CHURC1: variants seen among roughly 807,000 people sequenced by gnomAD.
CHURC1 encodes the protein protein Churchill.
In CHURC1, 12 loss-of-function variants were observed where a neutral mutation model predicts 15.4. That is an observed-to-expected ratio of 0.78 (90% CI 0.50 to 1.27). The LOEUF is 1.27. CHURC1 is among the 50% of genes most tolerant of loss of function. The pLI, the probability that CHURC1 is intolerant of heterozygous loss-of-function variation, is 0.00. For synonymous variants in CHURC1, 42 were observed against 47.5 expected (o/e 0.88, Z 0.48); for missense variants, 132 against 137.8 (o/e 0.96, Z 0.21).
At chr14:64,925,308 T>A (rs192000421) in intron 2 of CHURC1, among the ~76,000 whole-genome samples, 308 of 152,338 alleles carry the variant, frequency 2.0e-3, no homozygotes, top group Non-Finnish European at 3.5e-3. Context: ...CAGCTTTGGT[T>A]TTTATTTATG....
intron 3 of CHURC1, among the ~76,000 whole-genome samples, 178 bp from the exon 4 acceptor site, chr14:64,931,960 A>C (rs950593456): frequency 6.6e-6 from 1 of 152,250 alleles, no homozygotes; most frequent in Non-Finnish European, 1.5e-5. Context: ...TATATAAACA[A>C]CAGGCTCTGG....
chr14:64,934,904 T>C lies in CHURC1; in HGVS notation c.*2674T>C, dbSNP rs900504193. 3.0e-6 allele frequency: 3 copies of C among 984,228 alleles called. No homozygotes were observed. The African/African-American group carries it at 5.2e-5, about 17-fold the overall frequency. The allele number at this position is 984,228 out of a possible 1,614,324, so 61.0% of individuals were successfully genotyped here. ...ATAAGATCCTCTCTCTATATTTCAT[T>C]ATTGGTGAACCCACATTGTGCTGTG... On this transcript the variant is annotated 3_prime_UTR_variant, in exon 4 of 4. Coordinates refer to ENST00000549115, the MANE Select transcript of CHURC1 (RefSeq NM_001386928.1).
intron 1 of CHURC1, among the ~76,000 whole-genome samples, chr14:64,923,490 TTTAC>T (rs1884467122): frequency 6.6e-6 from 1 of 152,134 alleles, no homozygotes; most frequent in South Asian, 2.1e-4. Flanking sequence ...GAGCTGAGAG[TTTAC>T]TTTTGTTTAT....
Position 64,925,246 on chromosome 14 carries a change from A to T in CHURC1, c.176-764A>T, listed in dbSNP as rs1239958678. Among the ~76,000 whole-genome samples, 3 of 152,326 alleles carry T rather than the reference A, an allele frequency of 2.0e-5. No homozygotes were observed. In the East Asian group the frequency reaches 5.8e-4, roughly 29 times the overall value. ...TATTTAAAATAGTAAGCACTCAATAAATCATCGTTTTTACTAGATTATTTT... is the reference window on the plus strand; with the variant it reads ...TATTTAAAATAGTAAGCACTCAATATATCATCGTTTTTACTAGATTATTTT... On this transcript the variant is annotated intron_variant, in intron 2 of 3. Transcript: ENST00000549115.
At position 64,933,307 on chromosome 14, in the gene CHURC1, G is replaced by A. The variant is rs1885176926; in HGVS notation, c.*1077G>A. 3.2e-6 allele frequency: 3 copies of A among 929,958 alleles called. No individual in the cohort carries two copies. The highest frequency in any genetic ancestry group is 3.8e-6 in the Non-Finnish European group (3 of 779,282). The allele number at this position is 929,958 out of a possible 1,614,324, so 57.6% of individuals were successfully genotyped here. A position where few individuals can be genotyped will look rare whatever the true frequency, so the allele number is the denominator to read the frequency against. On this transcript the variant is annotated 3_prime_UTR_variant, in exon 4 of 4. Coordinates refer to ENST00000549115, the MANE Select transcript of CHURC1 (RefSeq NM_001386928.1). ...TTATATACCACGAAAAGAAAAAAAG[G>A]TCATTTGGTAGAAACTAGGGAAATC...
Position 64,935,283 on chromosome 14 carries a change from A to G in CHURC1, c.*3053A>G. 2.2e-6 allele frequency: 1 copy of G among 452,136 alleles called. No homozygotes were observed. The highest frequency in any genetic ancestry group is 2.9e-6 in the Non-Finnish European group (1 of 342,802). 28.0% of individuals were successfully genotyped at this position (452,136 alleles called of 1,614,324 possible). A position where few individuals can be genotyped will look rare whatever the true frequency, so the allele number is the denominator to read the frequency against. ...ACACCAGCATGGCACATGTATACGT[A>G]TGTAACTAACCTGCACATCGTGCAC... On this transcript the variant is annotated 3_prime_UTR_variant, in exon 4 of 4. Transcript: ENST00000549115.
chr14:64,921,983 G>A lies in CHURC1; in HGVS notation c.40-2008G>A, dbSNP rs1015543588. 7.2e-5 allele frequency among the ~76,000 whole-genome samples: 11 copies of A among 152,136 alleles called. No homozygotes were observed. The South Asian group carries it at 1.0e-3, about 14-fold the overall frequency. The stretch of plus-strand genomic sequence containing the variant: ...TAGAACAACAGTGATGATGAACATA[G>A]GCATTATATCGAGCAAGGAAAATTG... On this transcript the variant is annotated intron_variant, in intron 1 of 3. Coordinates refer to ENST00000549115, the MANE Select transcript of CHURC1 (RefSeq NM_001386928.1).
At chr14:64,921,755 A>G (rs1884314165) in intron 1 of CHURC1, among the ~76,000 whole-genome samples, 1 of 152,214 alleles carries the variant, frequency 6.6e-6, no homozygotes. Context: ...TAAATATACC[A>G]TATTTTTACC....
In CHURC1 at chr14:64,932,187, G is replaced by A. The variant is rs373972025; in HGVS notation, c.296G>A (p.Ser99Asn). ...LLCGKAEDTI[S>N]ILPDDPRQMT... ...TGCGGCAAAGCCGAAGATACTATCA[G>A]TATTCTCCCTGATGACCCCCGACAA... Residue 99 changes from serine to asparagine, a missense_variant, in exon 4 of 4, where the codon AGT (serine) becomes AAT (asparagine). Ser to Asn is a conservative substitution (Grantham distance 46). Coordinates refer to ENST00000549115, the MANE Select transcript of CHURC1 (RefSeq NM_001386928.1). The A allele has an allele frequency of 5.0e-6, 8 of 1,613,884 alleles. No homozygotes were observed. In the East Asian group the frequency reaches 6.7e-5, roughly 13 times the overall value.
At position 64,934,694 on chromosome 14, in the gene CHURC1, T is replaced by A; in HGVS notation, c.*2464T>A. ...GAAAGCAGAGAAAATGCTTCATTAC[T>A]TTAAATAGCAGCATTAAGCCCATTA... On this transcript the variant is annotated 3_prime_UTR_variant, in exon 4 of 4. Coordinates refer to ENST00000549115, the MANE Select transcript of CHURC1 (RefSeq NM_001386928.1). The A allele has an allele frequency of 1.0e-6, 1 of 985,456 alleles. No individual in the cohort carries two copies. Among genetic ancestry groups the A allele is most frequent in the Non-Finnish European group, 1.2e-6 (1 of 829,926 alleles). The allele number at this position is 985,456 out of a possible 1,614,324, so 61.0% of individuals were successfully genotyped here. A position where few individuals can be genotyped will look rare whatever the true frequency, so the allele number is the denominator to read the frequency against.
chr14:64,924,407 T>C lies in CHURC1; in HGVS notation c.175+281T>C, dbSNP rs1884540002. Reference sequence around the variant, plus strand: ...CACGGACATATTTTTAAAAGCTTTATGCTGCCTTAACAAGATATACTTTTT... The same window carrying C: ...CACGGACATATTTTTAAAAGCTTTACGCTGCCTTAACAAGATATACTTTTT... On this transcript the variant is annotated intron_variant, in intron 2 of 3. Coordinates refer to ENST00000549115, the MANE Select transcript of CHURC1 (RefSeq NM_001386928.1). 3 of 224,622 alleles carry C rather than the reference T, an allele frequency of 1.3e-5. No homozygotes were observed. In the South Asian group the frequency reaches 3.3e-4, roughly 25 times the overall value. The allele number at this position is 224,622 out of a possible 1,614,324, so 13.9% of individuals were successfully genotyped here. A position where few individuals can be genotyped will look rare whatever the true frequency, so the allele number is the denominator to read the frequency against.
chr14:64,915,333 C>T (rs575995503), intron 1 of CHURC1, among the ~76,000 whole-genome samples: 1 of 152,320 alleles, frequency 6.6e-6, no homozygotes, highest in South Asian at 2.1e-4. Context: ...TAAAAGGCAC[C>T]TTTGGTGCTG....
chr14:64,923,914 C>T, intron 1 of CHURC1, 77 bp from the exon 2 acceptor site: 2 of 1,276,688 alleles, frequency 1.6e-6, no homozygotes, highest in Non-Finnish European at 2.0e-6. Context: ...TGCCTTTAGA[C>T]ATTTTAAGTC....
intron 2 of CHURC1, 52 bp from the exon 3 acceptor site, chr14:64,925,958 T>G: frequency 7.4e-7 from 1 of 1,356,884 alleles, no homozygotes; most frequent in African/African-American, 1.5e-5. Flanking sequence ...TAATAGAAGT[T>G]TTAAGAAACT....
At chr14:64,930,027 C>T (rs1412237916) in intron 3 of CHURC1, among the ~76,000 whole-genome samples, 2 of 151,136 alleles carry the variant, frequency 1.3e-5, no homozygotes, top group Non-Finnish European at 2.9e-5. Context: ...CTCTGTGGGC[C>T]AGGGAAGGAG....
At position 64,932,379 on chromosome 14, in the gene CHURC1, G is replaced by A. The variant is rs1885129332; in HGVS notation, c.*149G>A. On this transcript the variant is annotated 3_prime_UTR_variant, in exon 4 of 4. Transcript: ENST00000549115. ...TTATTCTTTGAGGAAAAAAGGTAAT[G>A]TAGGAGCTCATTGTTCTCTAGAGCT... 3.0e-5 allele frequency: 43 copies of A among 1,416,524 alleles called. No individual in the cohort carries two copies. Among genetic ancestry groups the A allele is most frequent in the Non-Finnish European group, 4.0e-5 (43 of 1,083,614 alleles). The allele number at this position is 1,416,524 out of a possible 1,614,324, so 87.7% of individuals were successfully genotyped here.
chr14:64,924,378 T>A, intron 2 of CHURC1: 1 of 286,624 alleles, frequency 3.5e-6, no homozygotes, highest in Non-Finnish European at 6.3e-6. Context: ...ATCAAATTAT[T>A]TTTCACGGAC....
chr14:64,929,612 G>A (rs1362296748), intron 3 of CHURC1, among the ~76,000 whole-genome samples: 1 of 151,960 alleles, frequency 6.6e-6, no homozygotes, highest in Non-Finnish European at 1.5e-5. Flanking sequence ...TTTAAACATA[G>A]TCCAAAGTAG....
At chr14:64,922,430 T>C (rs942004126) in intron 1 of CHURC1, among the ~76,000 whole-genome samples, 1 of 151,756 alleles carries the variant, frequency 6.6e-6, no homozygotes, top group African/African-American at 2.4e-5. Context: ...TACGAAAAAT[T>C]AGCAGGGCGT....
Sources: gnomAD v4.1 joint callset for allele counts (sites outside exome capture counted in the v4.1 genomes callset) on GRCh38, gnomAD v4.1.1 for gene constraint, MANE v1.5 for transcripts, NCBI Gene and HGNC (gene_info 2026-07-23, HGNC 2026-07-21) for gene names.